The following MCC variants were observed in gnomAD, a reference collection of about 807,000 sequenced individuals.
MCC encodes the protein MCC regulator of Wnt signaling pathway, also known as colorectal mutant cancer protein.
MCC carries 90 observed loss-of-function variants against 116.2 expected under a neutral mutation model. That is an observed-to-expected ratio of 0.77 (90% confidence interval 0.65 to 0.92). The LOEUF is 0.92. Among genes scored for constraint, MCC ranks in the 40% least tolerant of loss-of-function variants. The pLI is 0.00. For synonymous variants in MCC, 578 were observed against 510.5 expected (o/e 1.13, Z -1.78); for missense variants, 1,516 against 1,312.2 (o/e 1.16, Z -2.40).
At chr5:113,273,073 GAACT>G (rs10538406) in intron 3 of MCC, among the ~76,000 whole-genome samples, 1,831 of 152,210 alleles carry the variant, frequency 0.012, 21 homozygotes, top group Middle Eastern at 0.024. Flanking sequence ...TAAGGAGAGA[GAACT>G]ATTAGTTCAA....
rs369252512 is a variant in MCC at position 113,245,623 on chromosome 5, T to C, written c.628-94201A>G. Among the ~76,000 whole-genome samples the C allele has an allele frequency of 4.6e-5, 7 of 152,296 alleles. No individual in the cohort carries two copies. The East Asian group carries it at 1.4e-3, about 29-fold the overall frequency. On this transcript the variant is annotated intron_variant, in intron 3 of 18. Transcript: ENST00000408903. ...GAAACAAAACTCCTGGTGATTAATT[T>C]TGAAACTGTGCTACCACCCTGTAAC...
intron 16 of MCC, among the ~76,000 whole-genome samples, chr5:113,045,725 G>A (rs1370285890): frequency 6.6e-6 from 1 of 150,974 alleles, no homozygotes; most frequent in Non-Finnish European, 1.5e-5. Flanking sequence ...CTTGAACCTG[G>A]TAGGTGGAGG....
At chr5:113,080,036 A>G (rs1754741037) in intron 11 of MCC, among the ~76,000 whole-genome samples, 1 of 152,282 alleles carries the variant, frequency 6.6e-6, no homozygotes, top group Non-Finnish European at 1.5e-5. Context: ...TATGCAGCCA[A>G]CAGACACATG....
chr5:113,357,267 T>G (rs901611553), intron 2 of MCC, among the ~76,000 whole-genome samples: 1 of 152,236 alleles, frequency 6.6e-6, no homozygotes, highest in South Asian at 2.1e-4. Context: ...AATTACTTAT[T>G]TGGAATCCAT....
intron 8 of MCC, among the ~76,000 whole-genome samples, chr5:113,090,602 A>G (rs1331772633): frequency 6.6e-6 from 1 of 152,214 alleles, no homozygotes; most frequent in Non-Finnish European, 1.5e-5. Flanking sequence ...AAAGACACAG[A>G]ATAAAAAAAG....
intron 3 of MCC, among the ~76,000 whole-genome samples, chr5:113,279,913 G>A (rs1410234625): frequency 1.3e-5 from 2 of 152,170 alleles, no homozygotes; most frequent in South Asian, 2.1e-4. Flanking sequence ...TGAAATTGAA[G>A]TAATTCTGTA....
chr5:113,176,791 A>G (rs1190476889), intron 3 of MCC, among the ~76,000 whole-genome samples: 2 of 152,102 alleles, frequency 1.3e-5, no homozygotes, highest in African/African-American at 4.8e-5. Context: ...CGTCCCTCTT[A>G]TCGATTTCTG....
At chr5:113,052,512 G>C (rs1169846740) in intron 15 of MCC, among the ~76,000 whole-genome samples, 3 of 152,120 alleles carry the variant, frequency 2.0e-5, no homozygotes, top group Non-Finnish European at 1.5e-5. Context: ...CCACTGCCTA[G>C]TGTCTTCCCA....
chr5:113,281,507 T>C (rs1766045947), intron 3 of MCC, among the ~76,000 whole-genome samples: 1 of 152,170 alleles, frequency 6.6e-6, no homozygotes, highest in Non-Finnish European at 1.5e-5. Context: ...ACCTCAATCA[T>C]GATGGTCATC....
chr5:113,249,967 G>A (rs1764731015), intron 3 of MCC, among the ~76,000 whole-genome samples: 1 of 152,154 alleles, frequency 6.6e-6, no homozygotes, highest in African/African-American at 2.4e-5. Flanking sequence ...CAAAAAAGTG[G>A]CGGAGGGAAA....
At chr5:113,277,955 C>A (rs1027574387) in intron 3 of MCC, among the ~76,000 whole-genome samples, 1 of 152,140 alleles carries the variant, frequency 6.6e-6, no homozygotes, top group Non-Finnish European at 1.5e-5. Context: ...CTCAGAATGC[C>A]CAAATCTAGA....
At chr5:113,442,654 C>A (rs1424526546) in intron 1 of MCC, among the ~76,000 whole-genome samples, 1 of 152,184 alleles carries the variant, frequency 6.6e-6, no homozygotes, top group Non-Finnish European at 1.5e-5. Context: ...GGTCTTTAAT[C>A]CATCTTGAGT....
At chr5:113,460,158 TG>T (rs1396343677) in intron 1 of MCC, among the ~76,000 whole-genome samples, 2 of 152,234 alleles carry the variant, frequency 1.3e-5, no homozygotes, top group Non-Finnish European at 2.9e-5. Context: ...TGTTTGCAGC[TG>T]AAGTCATTTC....
chr5:113,232,240 T>C (rs529602915), intron 3 of MCC, among the ~76,000 whole-genome samples: 1 of 152,268 alleles, frequency 6.6e-6, no homozygotes, highest in Non-Finnish European at 1.5e-5. Context: ...ATATCCAGAA[T>C]CCTTTTCAGA....
At chr5:113,067,045 G>A (rs915667590) in intron 13 of MCC, among the ~76,000 whole-genome samples, 123 of 152,322 alleles carry the variant, frequency 8.1e-4, no homozygotes, top group African/African-American at 2.7e-3. Flanking sequence ...CCACATCACT[G>A]CAGGCTCGGA....
intron 17 of MCC, among the ~76,000 whole-genome samples, chr5:113,037,621 G>T (rs1308532416): frequency 6.6e-6 from 1 of 152,152 alleles, no homozygotes; most frequent in African/African-American, 2.4e-5. Flanking sequence ...TGAGCCTGGG[G>T]AGGTTGAGTC....
chr5:113,476,799 A>C (rs1772245476), intron 1 of MCC, among the ~76,000 whole-genome samples: 1 of 152,194 alleles, frequency 6.6e-6, no homozygotes, highest in Admixed American at 6.5e-5. Context: ...TTTTGAGGTG[A>C]TGAAACTATT....
intron 3 of MCC, among the ~76,000 whole-genome samples, chr5:113,167,152 C>CA (rs1462647523): frequency 1.3e-5 from 2 of 151,996 alleles, no homozygotes; most frequent in Admixed American, 6.6e-5. Flanking sequence ...TGCGCTGTGG[C>CA]AAAAAAGGTG....
chr5:113,434,674 AT>A lies in MCC; in HGVS notation c.171-49463del. The A allele has an allele frequency of 6.2e-7, 1 of 1,613,894 alleles. No homozygotes were observed. Among genetic ancestry groups the A allele is most frequent in the Non-Finnish European group, 8.5e-7 (1 of 1,179,872 alleles). Reference sequence around the variant, plus strand: ...AGAATCTCAATTTCCCGGGGAAGGAATTTCTCCAAGAAGTCTGCGGGGGCCT... The same window carrying A: ...AGAATCTCAATTTCCCGGGGAAGGAATTCTCCAAGAAGTCTGCGGGGGCCT... On this transcript the variant is annotated intron_variant, in intron 1 of 18. Transcript: ENST00000408903. The surrounding 1 kb of genome is among the most constrained non-coding windows in gnomAD (Gnocchi z 4.2).
Sources: allele counts gnomAD v4.1 joint callset (sites outside exome capture counted in the v4.1 genomes callset), GRCh38; gene constraint gnomAD v4.1.1; non-coding constraint Gnocchi (gnomAD v3.1); transcripts MANE v1.5; gene names NCBI Gene and HGNC (gene_info 2026-07-23, HGNC 2026-07-21).